Variants in ECT2 observed in about 807,000 individuals in gnomAD.
The protein encoded by ECT2 is epithelial cell transforming 2, also known as protein ECT2.
ECT2 carries 61 observed loss-of-function variants against 116.9 expected under a neutral mutation model. The ratio of observed to expected loss-of-function variants is 0.52; its 90% CI spans 0.42 to 0.65. The LOEUF is 0.65. Among genes scored for constraint, ECT2 ranks in the 30% least tolerant of loss-of-function variants. The pLI is 0.00. For synonymous variants in ECT2, 358 were observed against 346.4 expected (o/e 1.03, Z -0.37); for missense variants, 937 against 1,078.7 (o/e 0.87, Z 1.84).
intron 18 of ECT2, among the ~76,000 whole-genome samples, chr3:172,797,769 C>G (rs1725998260): frequency 6.6e-6 from 1 of 152,132 alleles, no homozygotes; most frequent in African/African-American, 2.4e-5. Flanking sequence ...CCTGTGTTGC[C>G]TTTATTAGGT....
At chr3:172,775,263 G>A (rs1386839921) in intron 14 of ECT2, among the ~76,000 whole-genome samples, 2 of 152,034 alleles carry the variant, frequency 1.3e-5, no homozygotes, top group Non-Finnish European at 2.9e-5. Context: ...TCACATTCCA[G>A]TAAAAGAACC....
chr3:172,823,304 T>TA, downstream of ECT2, among the ~76,000 whole-genome samples: 1 of 144,020 alleles, frequency 6.9e-6, no homozygotes, highest in East Asian at 1.9e-4. Flanking sequence ...CTCCAGTCTC[T>TA]AAAAACAACC....
At chr3:172,815,221 G>C (rs1729475959) in intron 22 of ECT2, among the ~76,000 whole-genome samples, 1 of 152,184 alleles carries the variant, frequency 6.6e-6, no homozygotes, top group Non-Finnish European at 1.5e-5. Flanking sequence ...AAAGGGTAAA[G>C]TAGGAGAAAG....
the ECT2 span, chr3:172,828,835 G>T: frequency 1.1e-6 from 1 of 887,838 alleles, no homozygotes; most frequent in Non-Finnish European, 1.8e-6. Context: ...GCTACTGCCT[G>T]AGAGATGAGT....
intron 1 of ECT2, among the ~76,000 whole-genome samples, chr3:172,753,479 C>T (rs950661784): frequency 6.6e-6 from 1 of 152,192 alleles, no homozygotes; most frequent in Admixed American, 6.5e-5. Flanking sequence ...AAAGGATTTT[C>T]TTTCATAGTC....
chr3:172,815,411 T>C (rs1036342571), intron 22 of ECT2, among the ~76,000 whole-genome samples, 193 bp from the exon 23 acceptor site: 1 of 152,176 alleles, frequency 6.6e-6, no homozygotes, highest in African/African-American at 2.4e-5. Context: ...TACAACAAAT[T>C]ACACATTTAC....
Position 172,769,025 on chromosome 3 carries a change from C to T in ECT2, c.1310C>T (p.Thr437Ile). 6.2e-7 allele frequency: 1 copy of T among 1,612,682 alleles called. No individual in the cohort carries two copies. Residue 437 changes from threonine to isoleucine, a missense_variant, in exon 13 of 25, where the codon ACT (threonine) becomes ATT (isoleucine). Transcript: ENST00000392692. ...INYGDTPKSC[T>I]KSSKSSTPVP... Reference sequence around the variant, plus strand: ...GTTTCAGACACCCCAAAGTCTTGTACTAAGTCTTCTAAAAGCTCCACTCCA... The same window carrying T: ...GTTTCAGACACCCCAAAGTCTTGTATTAAGTCTTCTAAAAGCTCCACTCCA...
intron 14 of ECT2, among the ~76,000 whole-genome samples, chr3:172,775,493 G>T (rs1043855971): frequency 6.6e-6 from 1 of 152,182 alleles, no homozygotes; most frequent in Non-Finnish European, 1.5e-5. Context: ...GAAAGCTAGA[G>T]AGTTTCAGGC....
At chr3:172,766,574 A>C (rs1385535023) in intron 12 of ECT2, among the ~76,000 whole-genome samples, 4 of 152,254 alleles carry the variant, frequency 2.6e-5, no homozygotes, top group Non-Finnish European at 4.4e-5. Context: ...GAAAAGTAAG[A>C]AGCACTGGAG....
intron 18 of ECT2, among the ~76,000 whole-genome samples, chr3:172,797,018 CTG>C (rs57188529): frequency 0.02 from 2,738 of 139,058 alleles, 56 homozygotes; most frequent in African/African-American, 0.057. Flanking sequence ...TCAGGTTCAA[CTG>C]TGTGTGTGTG....
intron 14 of ECT2, among the ~76,000 whole-genome samples, chr3:172,779,390 T>C (rs1722302313): frequency 6.6e-6 from 1 of 152,358 alleles, no homozygotes; most frequent in Middle Eastern, 3.4e-3. Context: ...TTTTATGCTA[T>C]TGAAAGTAGT....
At chr3:172,754,741 T>G in intron 2 of ECT2, 81 bp downstream of exon 2, 1 of 1,077,402 alleles carries the variant, frequency 9.3e-7, no homozygotes. Context: ...GATTTAATTT[T>G]AATACCAACT....
At chr3:172,826,574 G>A in the ECT2 span, among the ~76,000 whole-genome samples, 1 of 152,214 alleles carries the variant, frequency 6.6e-6, no homozygotes, top group Non-Finnish European at 1.5e-5. Context: ...TGAGAGGACT[G>A]ACCCCAACTT....
In ECT2 at chr3:172,757,145, A is replaced by C; in HGVS notation, c.466A>C (p.Asn156His). ...AGTTATTGGACCACCAGTTGTATTA[A>C]ATTGTTCACAAAAAGGAGAGGTAAG... ...CRVIGPPVVL[N>H]CSQKGEPLPF... Residue 156 changes from asparagine to histidine, a missense_variant, in exon 5 of 25, where the codon AAT (asparagine) becomes CAT (histidine). Transcript: ENST00000392692. 2.0e-6 allele frequency: 3 copies of C among 1,508,404 alleles called. No homozygotes were observed. The highest frequency in any genetic ancestry group is 2.6e-6 in the Non-Finnish European group (3 of 1,133,838). 93.4% of individuals were successfully genotyped at this position (1,508,404 alleles called of 1,614,324 possible). A position where few individuals can be genotyped will look rare whatever the true frequency, so the allele number is the denominator to read the frequency against.
chr3:172,783,790 T>A lies in ECT2; in HGVS notation c.1618-9T>A. On this transcript the variant is annotated splice_polypyrimidine_tract_variant and intron_variant, in intron 15 of 24. Coordinates refer to ENST00000392692, the MANE Select transcript of ECT2 (RefSeq NM_001258315.2). ...TAATAAATAATGTTTTTTTCCCTTT[T>A]CTTCCTAGTCAAAAGATTTGGTAAA... 3 of 1,539,208 alleles carry A rather than the reference T, an allele frequency of 1.9e-6. No individual in the cohort carries two copies. Among genetic ancestry groups the A allele is most frequent in the Non-Finnish European group, 2.7e-6 (3 of 1,117,328 alleles).
At position 172,757,031 on chromosome 3, in the gene ECT2, G is replaced by A. The variant is rs1717120223; in HGVS notation, c.352G>A (p.Gly118Ser). Residue 118 changes from glycine (G) to serine (S), a missense_variant, in exon 5 of 25, where the codon GGT becomes AGT. Physicochemically the swap from Gly to Ser is moderately conservative, Grantham distance 56 (BLOSUM62 0). Coordinates refer to ENST00000392692, the MANE Select transcript of ECT2 (RefSeq NM_001258315.2). ...GATGGAGTCAGTGGAAGAATTTGAA[G>A]GTTTGGATTCTCCGGAATTTGAAAA... ...VKMESVEEFE[G>S]LDSPEFENVF... 1 of 1,610,000 alleles carries A rather than the reference G, an allele frequency of 6.2e-7. No homozygotes were observed. Among genetic ancestry groups the A allele is most frequent in the African/African-American group, 1.3e-5 (1 of 74,722 alleles).
At chr3:172,778,312 G>T (rs1237289392) in intron 14 of ECT2, among the ~76,000 whole-genome samples, 1 of 152,140 alleles carries the variant, frequency 6.6e-6, no homozygotes. Flanking sequence ...TAGACAAGGA[G>T]GAGGAAATAC....
downstream of ECT2, among the ~76,000 whole-genome samples, chr3:172,825,815 A>C (rs1460726615): frequency 2.4e-4 from 36 of 152,268 alleles, no homozygotes; most frequent in Admixed American, 2.4e-3. Flanking sequence ...GGCTAAGATA[A>C]CTGAAGAAGG....
At chr3:172,785,235 C>T (rs573116866) in intron 17 of ECT2, among the ~76,000 whole-genome samples, 1 of 152,182 alleles carries the variant, frequency 6.6e-6, no homozygotes, top group African/African-American at 2.4e-5. Flanking sequence ...GTTCAGAATA[C>T]TCTTGAAACA....
Sources: allele counts gnomAD v4.1 joint callset (sites outside exome capture counted in the v4.1 genomes callset), GRCh38; gene constraint gnomAD v4.1.1; transcripts MANE v1.5; gene names NCBI Gene and HGNC (gene_info 2026-07-23, HGNC 2026-07-21).